The following DAPK2 variants were observed in gnomAD, a reference collection of about 807,000 sequenced individuals.
DAPK2 encodes death associated protein kinase 2, also known as death-associated protein kinase 2.
A neutral mutation model predicts 44.1 loss-of-function variants in DAPK2; 35 were observed. The ratio of observed to expected loss-of-function variants is 0.79; its 90% CI spans 0.61 to 1.05. The LOEUF is 1.05. Ranked by LOEUF, DAPK2 falls within the 50% of genes least tolerant of loss-of-function variation. The pLI is 0.00. For missense variants in DAPK2, 453 were observed against 483.2 expected (o/e 0.94, Z 0.59); for synonymous variants, 174 against 182.6 (o/e 0.95, Z 0.38).
rs1184269714 is a variant in DAPK2 at position 63,976,860 on chromosome 15, TTAGTC to T, written c.315-5304_315-5300del. ...AATCAATTCACCTATTTCTTTTTGT[TTAGTC>T]AGTGTGGCAACTAGGAAATTTAAAA... On this transcript the variant is annotated intron_variant, in intron 2 of 10. Coordinates refer to ENST00000261891, the Ensembl canonical transcript of DAPK2. Among the ~76,000 whole-genome samples the T allele has an allele frequency of 6.6e-5, 10 of 152,360 alleles. No homozygotes were observed. The South Asian group carries it at 2.1e-3, about 32-fold the overall frequency.
chr15:63,934,475 T>C (rs945637623), intron 4 of DAPK2, among the ~76,000 whole-genome samples: 1 of 152,104 alleles, frequency 6.6e-6, no homozygotes, highest in African/African-American at 2.4e-5. Flanking sequence ...CAGGCTGGTC[T>C]TGAACTCCTG....
At chr15:64,045,366 G>A (rs1293696436) in intron 1 of DAPK2, among the ~76,000 whole-genome samples, 1 of 152,140 alleles carries the variant, frequency 6.6e-6, no homozygotes, top group African/African-American at 2.4e-5. Flanking sequence ...AAGGCACCAC[G>A]GCCTCTTAGG....
At position 63,923,244 on chromosome 15, in the gene DAPK2, T is replaced by C. The variant is rs989163305; in HGVS notation, c.858+1572A>G. ...TTGACATAGGAGTTGTTGGGAGGCA[T>C]GCTTGAGTGGCATTTGAGAGTGTAC... On this transcript the variant is annotated intron_variant, in intron 8 of 10. Transcript: ENST00000261891. This position sits in a 1 kb window ranked among gnomAD's most constrained non-coding sequence, Gnocchi z 4.2. The C allele has an allele frequency of 1.8e-5, 28 of 1,535,812 alleles. No homozygotes were observed. Among genetic ancestry groups the C allele is most frequent in the Non-Finnish European group, 2.4e-5 (27 of 1,146,746 alleles).
chr15:64,006,673 A>C (rs1232172741), intron 1 of DAPK2, among the ~76,000 whole-genome samples: 1 of 152,182 alleles, frequency 6.6e-6, no homozygotes, highest in African/African-American at 2.4e-5. Flanking sequence ...GAGGCCTAGC[A>C]AAGGAAAGGA....
chr15:63,953,310 T>C (rs1386342592), intron 3 of DAPK2, among the ~76,000 whole-genome samples: 1 of 152,156 alleles, frequency 6.6e-6, no homozygotes, highest in Non-Finnish European at 1.5e-5. Flanking sequence ...ATTTTTCTAC[T>C]CTCAATATCT....
chr15:63,957,672 C>T (rs2077765382), intron 3 of DAPK2, among the ~76,000 whole-genome samples: 1 of 152,112 alleles, frequency 6.6e-6, no homozygotes, highest in Non-Finnish European at 1.5e-5. Flanking sequence ...CATGTCCCTA[C>T]AAAGGACATG....
intron 3 of DAPK2, among the ~76,000 whole-genome samples, chr15:63,964,868 C>T (rs978406976): frequency 6.6e-6 from 1 of 152,052 alleles, no homozygotes; most frequent in Admixed American, 6.6e-5. Flanking sequence ...TCTTGATTTT[C>T]ACTGAGTTTC....
rs1249505009 is a variant in DAPK2, at chr15:64,046,234, C to A, written c.-7+64G>T. 1.4e-6 allele frequency: 1 copy of A among 703,110 alleles called. No homozygotes were observed. Among genetic ancestry groups the A allele is most frequent in the Non-Finnish European group, 1.7e-6 (1 of 571,640 alleles). 43.6% of individuals were successfully genotyped at this position (703,110 alleles called of 1,614,324 possible). On this transcript the variant is annotated intron_variant, in intron 1 of 11. Transcript: ENST00000457488. The surrounding 1 kb of genome is among the most constrained non-coding windows in gnomAD (Gnocchi z 5.3). ...TCGCCCCGCCAGCCCCAGACCCGGG[C>A]GCTGCTGCCGTCAGGCCGCGCGCCC...
intron 8 of DAPK2, among the ~76,000 whole-genome samples, chr15:63,914,864 A>C (rs572890265): frequency 6.6e-6 from 1 of 152,326 alleles, no homozygotes; most frequent in Non-Finnish European, 1.5e-5. Context: ...GTAGCAAGCC[A>C]ACTTCCCCCA....
chr15:63,948,355 T>C (rs1013580327), intron 3 of DAPK2, among the ~76,000 whole-genome samples: 1 of 150,382 alleles, frequency 6.6e-6, no homozygotes, highest in African/African-American at 2.4e-5. Flanking sequence ...AGCTTTTGCT[T>C]CTGGAGAGGC....
At chr15:64,006,028 T>C (rs1339390233) in intron 1 of DAPK2, among the ~76,000 whole-genome samples, 3 of 125,316 alleles carry the variant, frequency 2.4e-5, no homozygotes, top group African/African-American at 9.9e-5. Context: ...CAGAGCCAGA[T>C]CCTGACTCAA....
At chr15:63,922,272 C>T in intron 8 of DAPK2, 1 of 989,972 alleles carries the variant, frequency 1.0e-6, no homozygotes. Flanking sequence ...ATATTATTTT[C>T]TCTATGCATT....
At chr15:63,931,327 A>G (rs1206920384) in intron 4 of DAPK2, among the ~76,000 whole-genome samples, 1 of 152,244 alleles carries the variant, frequency 6.6e-6, no homozygotes, top group East Asian at 1.9e-4. Context: ...TTATCCTGGT[A>G]GAAACCTTTT....
intron 8 of DAPK2, 111 bp downstream of exon 9, chr15:63,924,705 G>T: frequency 8.4e-7 from 1 of 1,184,856 alleles, no homozygotes; most frequent in Non-Finnish European, 1.2e-6. Flanking sequence ...CCCAGGGTCA[G>T]TGTTTAAAGC....
chr15:63,974,023 G>A (rs1462208241), intron 2 of DAPK2, among the ~76,000 whole-genome samples: 1 of 152,056 alleles, frequency 6.6e-6, no homozygotes, highest in African/African-American at 2.4e-5. Context: ...TTAAGCATAA[G>A]ACCCCATTAA....
intron 1 of DAPK2, among the ~76,000 whole-genome samples, chr15:63,998,502 G>A (rs1246878406): frequency 6.6e-6 from 1 of 152,200 alleles, no homozygotes; most frequent in Non-Finnish European, 1.5e-5. Context: ...GGTCTCTCCT[G>A]CCAGAGGCTG....
At chr15:63,958,851 C>T (rs2077804296) in intron 3 of DAPK2, among the ~76,000 whole-genome samples, 2 of 152,036 alleles carry the variant, frequency 1.3e-5, no homozygotes, top group East Asian at 3.8e-4. Context: ...TTTTTTGGTT[C>T]CATATGAACT....
At chr15:63,933,339 G>A (rs1413227360) in intron 4 of DAPK2, among the ~76,000 whole-genome samples, 3 of 152,114 alleles carry the variant, frequency 2.0e-5, no homozygotes, top group Non-Finnish European at 4.4e-5. Flanking sequence ...CACCTCCTGG[G>A]TTCAAGTGAT....
chr15:63,933,601 T>C (rs1162217652), intron 4 of DAPK2, among the ~76,000 whole-genome samples: 2 of 150,088 alleles, frequency 1.3e-5, no homozygotes, highest in African/African-American at 2.5e-5. Context: ...GATTGATTTT[T>C]TTTTTTTTTT....
Sources: allele counts gnomAD v4.1 joint callset (sites outside exome capture counted in the v4.1 genomes callset), GRCh38; gene constraint gnomAD v4.1.1; non-coding constraint Gnocchi (gnomAD v3.1); transcripts MANE v1.5; gene names NCBI Gene and HGNC (gene_info 2026-07-23, HGNC 2026-07-21).